Variants in HGF observed in about 807,000 individuals in gnomAD.
HGF encodes the protein hepatocyte growth factor.
Under a neutral mutation model 111.6 loss-of-function variants are expected in HGF, and 39 were observed. The ratio of observed to expected loss-of-function variants is 0.35; its 90% CI spans 0.27 to 0.46. The LOEUF (loss-of-function observed/expected upper bound fraction) is 0.46. HGF is among the 20% of genes least tolerant of loss of function. The pLI is 1.00. For missense variants in HGF, 735 were observed against 910.5 expected, an observed-to-expected ratio of 0.81 and a Z score of 2.48; for synonymous variants, 285 against 294.8, an observed-to-expected ratio of 0.97 and a Z score of 0.34.
In HGF at chr7:81,701,652, C is replaced by G. The variant is rs1203698398; in HGVS notation, c.*929G>C. On this transcript the variant is annotated 3_prime_UTR_variant, in exon 18 of 18. Transcript: ENST00000222390. ...TTTAGGAAAATAGATCTACAAATAT[C>G]TTGTGTAAATAAGTGGCCTTAAGTT... is the stretch of plus-strand genomic sequence containing the variant. 3 of 151,544 alleles carry G rather than the reference C, an allele frequency of 2.0e-5. No individual in the cohort carries two copies. Among genetic ancestry groups the G allele is most frequent in the Non-Finnish European group, 3.0e-5 (2 of 67,636 alleles). 9.4% of individuals were successfully genotyped at this position (151,544 alleles called of 1,614,324 possible). A position where few individuals can be genotyped will look rare whatever the true frequency, so the allele number is the denominator to read the frequency against.
intron 5 of HGF, among the ~76,000 whole-genome samples, chr7:81,746,707 A>G (rs551874098): frequency 6.6e-6 from 1 of 152,254 alleles, no homozygotes; most frequent in Admixed American, 6.5e-5. Context: ...ATTCCTTTCT[A>G]ACGAGGGTGA....
intron 7 of HGF, among the ~76,000 whole-genome samples, chr7:81,739,709 G>A (rs951738795): frequency 1.3e-5 from 2 of 152,030 alleles, no homozygotes; most frequent in African/African-American, 4.8e-5. Flanking sequence ...ATTCACCTGA[G>A]AGAAGAAGAG....
chr7:81,699,651 A>G lies in HGF; in HGVS notation c.*2930T>C, dbSNP rs1789233303. ...AACAACAATGAAATGCCTGACAGCA[A>G]TTTCCCACTTCTTGACAGTGTTCTT... On this transcript the variant is annotated 3_prime_UTR_variant, in exon 18 of 18. Coordinates refer to ENST00000222390, the MANE Select transcript of HGF (RefSeq NM_000601.6). 1 of 151,594 alleles carries G rather than the reference A, an allele frequency of 6.6e-6. No individual in the cohort carries two copies. Among genetic ancestry groups the G allele is most frequent in the Non-Finnish European group, 1.5e-5 (1 of 67,672 alleles). The allele number at this position is 151,594 out of a possible 1,614,324, so 9.4% of individuals were successfully genotyped here.
At chr7:81,743,548 T>C in intron 6 of HGF, 77 bp from the exon 7 acceptor site, 1 of 953,746 alleles carries the variant, frequency 1.0e-6, no homozygotes, top group Non-Finnish European at 1.7e-6. Context: ...CAAAATAACT[T>C]TCCACTTAGG....
chr7:81,702,280 T>C lies in HGF; in HGVS notation c.*301A>G, dbSNP rs1317091513. The C allele has an allele frequency of 9.2e-6, 3 of 325,160 alleles. No homozygotes were observed. In the Admixed American group the frequency reaches 1.4e-4, roughly 15 times the overall value. The allele number at this position is 325,160 out of a possible 1,614,324, so 20.1% of individuals were successfully genotyped here. A position where few individuals can be genotyped will look rare whatever the true frequency, so the allele number is the denominator to read the frequency against. On this transcript the variant is annotated 3_prime_UTR_variant, in exon 18 of 18. Coordinates refer to ENST00000222390, the MANE Select transcript of HGF (RefSeq NM_000601.6). ...CTTAGACAGATTAATTGATTTTTTTTCCCATGAAATCTTTATCATCCAGCA... is the reference window on the plus strand; with the variant it reads ...CTTAGACAGATTAATTGATTTTTTTCCCCATGAAATCTTTATCATCCAGCA...
At chr7:81,765,377 T>C (rs577819610) in intron 1 of HGF, among the ~76,000 whole-genome samples, 1 of 152,128 alleles carries the variant, frequency 6.6e-6, no homozygotes, top group Admixed American at 6.5e-5. Flanking sequence ...CTACCCTTGC[T>C]TGCTGACAAA....
In HGF at chr7:81,748,721, CA is replaced by C. The variant is rs541088718; in HGVS notation, c.625+3398del. Among the ~76,000 whole-genome samples, 105 of 152,200 alleles carry C rather than the reference CA, an allele frequency of 6.9e-4. 1 individual carries two copies. The highest frequency in any genetic ancestry group is 2.4e-3 in the African/African-American group (99 of 41,548). On this transcript the variant is annotated intron_variant, in intron 5 of 17. Coordinates refer to ENST00000222390, the MANE Select transcript of HGF (RefSeq NM_000601.6). ...GCTAACTACTGCCCTAGATAGATCA[CA>C]AAAACTCACAGAGTAATGGTTTCTG...
At chr7:81,757,837 T>C (rs1053430536) in intron 3 of HGF, among the ~76,000 whole-genome samples, 1 of 151,990 alleles carries the variant, frequency 6.6e-6, no homozygotes, top group Non-Finnish European at 1.5e-5. Context: ...TATATATTCC[T>C]ACCAAATAAT....
Position 81,769,963 on chromosome 7 carries a change from C to A in HGF, c.9G>T (p.Val3=). 1.9e-6 allele frequency: 3 copies of A among 1,556,310 alleles called. No homozygotes were observed. The highest frequency in any genetic ancestry group is 2.6e-6 in the Non-Finnish European group (3 of 1,149,782). The change falls in exon 1 of 18, where the codon GTG becomes GTT. Residue 3 remains valine, a synonymous_variant. Transcript: ENST00000222390. MW[V]TKLLPALLLQ... Reference sequence around the variant, plus strand: ...GCAGCAGGGCTGGCAGGAGTTTGGTCACCCACATGGTGCTGCTGGACGGGC... The same window carrying A: ...GCAGCAGGGCTGGCAGGAGTTTGGTAACCCACATGGTGCTGCTGGACGGGC...
chr7:81,744,655 C>T (rs944239621), intron 6 of HGF, among the ~76,000 whole-genome samples: 3 of 152,124 alleles, frequency 2.0e-5, no homozygotes, highest in African/African-American at 7.2e-5. Flanking sequence ...TGTTTTGTTT[C>T]TGCTCTGAGA....
At chr7:81,741,147 G>A (rs550346810) in intron 7 of HGF, among the ~76,000 whole-genome samples, 1 of 152,006 alleles carries the variant, frequency 6.6e-6, no homozygotes, top group African/African-American at 2.4e-5. Context: ...TCTCTTTATA[G>A]TCATATCTAT....
intron 7 of HGF, among the ~76,000 whole-genome samples, chr7:81,741,870 G>A (rs367859893): frequency 2.3e-4 from 34 of 147,516 alleles, no homozygotes; most frequent in African/African-American, 7.8e-4. Flanking sequence ...CCCAGGAGGC[G>A]GAAGTTGTGG....
intron 7 of HGF, among the ~76,000 whole-genome samples, chr7:81,734,878 A>T (rs111770716): frequency 3.7e-4 from 56 of 152,218 alleles, no homozygotes; most frequent in African/African-American, 1.3e-3. Context: ...TTCCCAATGG[A>T]GACAAGCTAT....
chr7:81,706,264 C>A (rs1438285036), intron 15 of HGF, 23 bp downstream of exon 15: 8 of 1,610,300 alleles, frequency 5.0e-6, no homozygotes, highest in Non-Finnish European at 6.8e-6. Context: ...GTGAAAAATA[C>A]AAAATCTTCT....
At chr7:81,740,234 A>T (rs1040306828) in intron 7 of HGF, among the ~76,000 whole-genome samples, 3 of 152,252 alleles carry the variant, frequency 2.0e-5, no homozygotes, top group African/African-American at 7.2e-5. Context: ...CATAATCATT[A>T]TCTTTATTCT....
intron 4 of HGF, among the ~76,000 whole-genome samples, chr7:81,754,791 G>C (rs1285555853): frequency 6.6e-6 from 1 of 151,916 alleles, no homozygotes; most frequent in African/African-American, 2.4e-5. Flanking sequence ...ATTTGACCAA[G>C]GGATGAAGCC....
chr7:81,738,615 T>C (rs542974981), intron 7 of HGF, among the ~76,000 whole-genome samples: 3 of 152,266 alleles, frequency 2.0e-5, no homozygotes, highest in African/African-American at 7.2e-5. Flanking sequence ...GATTGTAACA[T>C]AGAAGCTTGG....
chr7:81,705,799 C>T, intron 15 of HGF, 46 bp from the exon 16 acceptor site: 1 of 1,128,424 alleles, frequency 8.9e-7, no homozygotes, highest in Admixed American at 1.7e-5. Context: ...CTGGATTCAA[C>T]ACAAAATTAA....
At chr7:81,769,782 A>T in intron 1 of HGF, 102 bp downstream of exon 1, 1 of 850,200 alleles carries the variant, frequency 1.2e-6, no homozygotes, top group Non-Finnish European at 2.0e-6. Flanking sequence ...TTCAGAAAGG[A>T]TGCTGGGAAT....
Sources: allele counts gnomAD v4.1 joint callset (sites outside exome capture counted in the v4.1 genomes callset), GRCh38; gene constraint gnomAD v4.1.1; transcripts MANE v1.5; gene names NCBI Gene and HGNC (gene_info 2026-07-23, HGNC 2026-07-21).